The following KCNMB2 variants were observed in gnomAD, a reference collection of about 807,000 sequenced individuals.
KCNMB2 encodes calcium-activated potassium channel subunit beta-2.
In KCNMB2, 9 loss-of-function variants were observed where a neutral mutation model predicts 24.5. The observed-to-expected ratio is 0.37, with a 90% CI of 0.22 to 0.64. The LOEUF (loss-of-function observed/expected upper bound fraction) is 0.64, where lower values mean the gene tolerates loss of function less well. Ranked by LOEUF, KCNMB2 falls within the 30% of genes least tolerant of loss-of-function variation. KCNMB2 has a pLI of 0.63. For synonymous variants in KCNMB2, 109 were observed against 104.4 expected (o/e 1.04, Z -0.27); for missense variants, 226 against 284.3 (o/e 0.79, Z 1.47).
chr3:178,839,468 A>G (rs1715350537), intron 4 of KCNMB2, among the ~76,000 whole-genome samples: 1 of 152,188 alleles, frequency 6.6e-6, no homozygotes, highest in South Asian at 2.1e-4. Flanking sequence ...AGGAGATACA[A>G]AAGAAAACAA....
intron 1 of KCNMB2, among the ~76,000 whole-genome samples, chr3:178,648,128 C>G (rs1396550160): frequency 5.9e-5 from 9 of 152,066 alleles, no homozygotes; most frequent in Admixed American, 2.6e-4. Context: ...TTCTTTGCAC[C>G]ATAGGTATCT....
At chr3:178,570,544 C>G (rs115047629) in intron 1 of KCNMB2, among the ~76,000 whole-genome samples, 3,960 of 85,956 alleles carry the variant, frequency 0.046, 177 homozygotes, top group African/African-American at 0.14. Flanking sequence ...TTTTTTTGCT[C>G]TTGGTAAAGT....
At chr3:178,592,724 T>C (rs1165175784) in intron 1 of KCNMB2, among the ~76,000 whole-genome samples, 1 of 152,114 alleles carries the variant, frequency 6.6e-6, no homozygotes, top group Non-Finnish European at 1.5e-5. Flanking sequence ...TATTTTGTTT[T>C]ACGAGAGTCA....
At chr3:178,777,883 C>G (rs892675679) in intron 1 of KCNMB2, among the ~76,000 whole-genome samples, 1 of 152,084 alleles carries the variant, frequency 6.6e-6, no homozygotes, top group Admixed American at 6.6e-5. Context: ...CCTTAATAAC[C>G]CTGTTTACCC....
chr3:178,759,715 A>AG (rs1190188760), intron 1 of KCNMB2, among the ~76,000 whole-genome samples: 2 of 103,360 alleles, frequency 1.9e-5, no homozygotes, highest in Non-Finnish European at 2.0e-5. Context: ...TATATCCAAG[A>AG]GGATATATAT....
At chr3:178,839,922 C>T (rs1171658371) in intron 4 of KCNMB2, among the ~76,000 whole-genome samples, 1 of 152,186 alleles carries the variant, frequency 6.6e-6, no homozygotes. Context: ...CCAATCATGC[C>T]TTCCCAACAG....
intron 1 of KCNMB2, among the ~76,000 whole-genome samples, chr3:178,741,167 A>G (rs1452714359): frequency 6.6e-6 from 1 of 152,162 alleles, no homozygotes; most frequent in Non-Finnish European, 1.5e-5. Context: ...GTGTGTTTGG[A>G]GATGAACACA....
intron 2 of KCNMB2, among the ~76,000 whole-genome samples, chr3:178,812,082 G>C (rs1399780040): frequency 6.6e-6 from 1 of 151,854 alleles, no homozygotes; most frequent in African/African-American, 2.4e-5. Context: ...TTTTCTACTG[G>C]ATTGTTTGTC....
chr3:178,686,782 T>C (rs1292577781), intron 1 of KCNMB2, among the ~76,000 whole-genome samples: 1 of 152,056 alleles, frequency 6.6e-6, no homozygotes, highest in Non-Finnish European at 1.5e-5. Flanking sequence ...AAGAGGAAAA[T>C]GTAGTTACCA....
At chr3:178,791,477 A>C (rs1713321505) in intron 1 of KCNMB2, among the ~76,000 whole-genome samples, 1 of 152,246 alleles carries the variant, frequency 6.6e-6, no homozygotes, top group Non-Finnish European at 1.5e-5. Flanking sequence ...TCACACCGAC[A>C]GGATCTGTAA....
At chr3:178,747,696 T>C (rs1193513464) in intron 1 of KCNMB2, among the ~76,000 whole-genome samples, 2 of 152,212 alleles carry the variant, frequency 1.3e-5, no homozygotes, top group Non-Finnish European at 2.9e-5. Flanking sequence ...TTTGAGTCTA[T>C]AAATCTTTTC....
chr3:178,734,765 G>A (rs1723264086), intron 1 of KCNMB2, among the ~76,000 whole-genome samples: 1 of 147,074 alleles, frequency 6.8e-6, no homozygotes, highest in Non-Finnish European at 1.6e-5. Context: ...AAAGAACCGA[G>A]TTAACTGGTG....
intron 1 of KCNMB2, among the ~76,000 whole-genome samples, chr3:178,786,713 T>C (rs548074422): frequency 6.6e-6 from 1 of 152,024 alleles, no homozygotes. Context: ...GTTGTGCACA[T>C]GTACCCTAAA....
At chr3:178,618,778 T>TCTACTAAAAATAC in intron 1 of KCNMB2, among the ~76,000 whole-genome samples, 1 of 152,310 alleles carries the variant, frequency 6.6e-6, no homozygotes, top group Admixed American at 6.5e-5. Context: ...GAGGAGAGGC[T>TCTACTAAAAATAC]AAGAGAATTT....
At chr3:178,603,688 T>C (rs1718175892) in intron 1 of KCNMB2, among the ~76,000 whole-genome samples, 1 of 152,084 alleles carries the variant, frequency 6.6e-6, no homozygotes, top group Non-Finnish European at 1.5e-5. Flanking sequence ...GGAGAGCATG[T>C]TAGTTGAATG....
chr3:178,609,080 C>G (rs1194733245), intron 1 of KCNMB2, among the ~76,000 whole-genome samples: 1 of 152,150 alleles, frequency 6.6e-6, no homozygotes, highest in Non-Finnish European at 1.5e-5. Context: ...GTTCCCCATA[C>G]TGTTTTTACT....
chr3:178,604,919 T>C (rs900970245), intron 1 of KCNMB2, among the ~76,000 whole-genome samples: 3 of 152,206 alleles, frequency 2.0e-5, no homozygotes, highest in African/African-American at 7.2e-5. Flanking sequence ...TGACACATTA[T>C]ACTCATAACT....
chr3:178,783,205 T>C (rs1483391908), intron 1 of KCNMB2, among the ~76,000 whole-genome samples: 1 of 152,146 alleles, frequency 6.6e-6, no homozygotes, highest in African/African-American at 2.4e-5. Context: ...CCTTGTGGTA[T>C]AGTTTGAAGT....
At chr3:178,690,360 G>A (rs906183296) in intron 1 of KCNMB2, among the ~76,000 whole-genome samples, 3 of 151,462 alleles carry the variant, frequency 2.0e-5, no homozygotes, top group Non-Finnish European at 4.4e-5. Flanking sequence ...TTGGGACAAA[G>A]GTTAGATATG....
Sources: allele counts gnomAD v4.1 joint callset (sites outside exome capture counted in the v4.1 genomes callset), GRCh38; gene constraint gnomAD v4.1.1; transcripts MANE v1.5; gene names NCBI Gene and HGNC (gene_info 2026-07-23, HGNC 2026-07-21).